Variants in DNAH8 observed in about 807,000 individuals in gnomAD.
DNAH8 encodes the protein axonemal beta dynein heavy chain 8.
A neutral mutation model predicts 562.1 loss-of-function variants in DNAH8; 382 were observed. The ratio of observed to expected loss-of-function variants is 0.68; its 90% confidence interval spans 0.63 to 0.74. The LOEUF (loss-of-function observed/expected upper bound fraction) is 0.74. Ranked by LOEUF, DNAH8 falls within the 30% of genes least tolerant of loss-of-function variation. DNAH8 has a pLI of 0.00. For synonymous variants in DNAH8, 1,881 were observed against 1,919.4 expected (o/e 0.98, Z 0.52); for missense variants, 5,203 against 5,620.4 (o/e 0.93, Z 2.37).
chr6:39,014,314 G>T (rs138418959), intron 91 of DNAH8, among the ~76,000 whole-genome samples: 1 of 152,140 alleles, frequency 6.6e-6, no homozygotes, highest in Non-Finnish European at 1.5e-5. Flanking sequence ...CAGATTTTGT[G>T]TGTCTACTTA....
intron 13 of DNAH8, among the ~76,000 whole-genome samples, chr6:38,777,054 A>T (rs910728839): frequency 6.6e-6 from 1 of 152,238 alleles, no homozygotes; most frequent in African/African-American, 2.4e-5. Flanking sequence ...GGGCAATATA[A>T]ATACATAAGA....
chr6:38,820,715 T>G (rs1427117850), intron 26 of DNAH8, among the ~76,000 whole-genome samples: 2 of 152,154 alleles, frequency 1.3e-5, no homozygotes, highest in South Asian at 4.1e-4. Context: ...CAAGGTTGGT[T>G]TAACATCCTA....
chr6:38,909,625 C>A lies in DNAH8; in HGVS notation c.9621C>A (p.Ala3207=), dbSNP rs1780730051. 2 of 1,614,032 alleles carry A rather than the reference C, an allele frequency of 1.2e-6. No individual in the cohort carries two copies. The highest frequency in any genetic ancestry group is 1.7e-6 in the Non-Finnish European group (2 of 1,180,006). The part of the protein sequence containing the change: ...RWPREALIAV[A]SYFLSDYNIV... ...CAAGGGAGGCTCTGATTGCTGTGGCCTCCTACTTCCTTTCAGACTATAATA... is the reference window on the plus strand; with the variant it reads ...CAAGGGAGGCTCTGATTGCTGTGGCATCCTACTTCCTTTCAGACTATAATA... The change falls in exon 65 of 93, where the codon GCC becomes GCA. Residue 3207 remains alanine (A), a synonymous_variant. Coordinates refer to ENST00000327475, the MANE Select transcript of DNAH8 (RefSeq NM_001206927.2).
At chr6:38,716,528 T>C (rs977203409) in intron 1 of DNAH8, 2 of 152,270 alleles carry the variant, frequency 1.3e-5, no homozygotes, top group Non-Finnish European at 2.9e-5. Context: ...ACCTTCTCCG[T>C]CAAGTTTTCT....
chr6:38,850,874 A>G (rs1388391625), intron 38 of DNAH8, among the ~76,000 whole-genome samples: 1 of 152,068 alleles, frequency 6.6e-6, no homozygotes. Context: ...GACATTTGTC[A>G]CTGGATTCAG....
At chr6:38,859,435 A>G (rs947763608) in intron 42 of DNAH8, among the ~76,000 whole-genome samples, 4 of 152,228 alleles carry the variant, frequency 2.6e-5, no homozygotes, top group African/African-American at 9.7e-5. Context: ...AGCAAGGAAT[A>G]TGGAGGCCTG....
At position 38,715,939 on chromosome 6, in the gene DNAH8, TA is replaced by T. The variant is rs1762266752; in HGVS notation, c.-35+525del. Among the ~76,000 whole-genome samples the T allele has an allele frequency of 2.7e-4, 7 of 25,548 alleles. 1 individual carries two copies. The highest frequency in any genetic ancestry group is 1.2e-3 in the African/African-American group (7 of 5,754). The allele number at this position is 25,548 out of a possible 152,430, so 16.8% of individuals were successfully genotyped here. A position where few individuals can be genotyped will look rare whatever the true frequency, so the allele number is the denominator to read the frequency against. On this transcript the variant is annotated intron_variant, in intron 1 of 92. Coordinates refer to ENST00000327475, the MANE Select transcript of DNAH8 (RefSeq NM_001206927.2). Reference sequence around the variant, plus strand: ...ATAAATAAATAAATATATATATATATATATATATATATATATATATATTTTT... The same window carrying T: ...ATAAATAAATAAATATATATATATATTATATATATATATATATATATTTTT...
intron 13 of DNAH8, among the ~76,000 whole-genome samples, chr6:38,777,525 C>A (rs1768188701): frequency 6.6e-6 from 1 of 152,138 alleles, no homozygotes; most frequent in Admixed American, 6.5e-5. Flanking sequence ...AAATAATTTG[C>A]AAAGAATGGT....
intron 4 of DNAH8, among the ~76,000 whole-genome samples, chr6:38,733,573 G>A (rs567450406): frequency 6.6e-6 from 1 of 152,274 alleles, no homozygotes; most frequent in South Asian, 2.1e-4. Flanking sequence ...AGGAACAGAA[G>A]TACAGAGTTC....
intron 85 of DNAH8, among the ~76,000 whole-genome samples, chr6:38,981,226 G>A (rs1764014805): frequency 6.6e-6 from 1 of 152,068 alleles, no homozygotes. Context: ...TAAATCCCTG[G>A]CCCTTCCTTA....
At position 38,852,581 on chromosome 6, in the gene DNAH8, C is replaced by T. The variant is rs996257958; in HGVS notation, c.5467-113C>T. The T allele has an allele frequency of 4.8e-5, 34 of 714,082 alleles. 1 individual carries two copies. Among genetic ancestry groups the T allele is most frequent in the Middle Eastern group, 5.2e-4 (2 of 3,860 alleles). 44.2% of individuals were successfully genotyped at this position (714,082 alleles called of 1,614,324 possible). A position where few individuals can be genotyped will look rare whatever the true frequency, so the allele number is the denominator to read the frequency against. ...CAGAGTCTCTCTCTATTTTTTGAGA[C>T]AATAAAGTAAATACTTAACCTTTTA... On this transcript the variant is annotated intron_variant, in intron 39 of 92. Coordinates refer to ENST00000327475, the MANE Select transcript of DNAH8 (RefSeq NM_001206927.2).
At position 39,008,457 on chromosome 6, in the gene DNAH8, C is replaced by CTA. The variant is rs1221602885; in HGVS notation, c.13215-354_13215-353dup. Reference sequence around the variant, plus strand: ...ATAATGATAGACTCTTATGACCAGTCTATAGCAGGGGAGAGTGAAAGGAGG... The same window carrying CTA: ...ATAATGATAGACTCTTATGACCAGTCTATATAGCAGGGGAGAGTGAAAGGAGG... On this transcript the variant is annotated intron_variant, in intron 88 of 92. Transcript: ENST00000327475. Among the ~76,000 whole-genome samples the CTA allele has an allele frequency of 3.3e-5, 5 of 152,266 alleles. No homozygotes were observed. In the East Asian group the frequency reaches 9.7e-4, roughly 30 times the overall value.
chr6:38,804,138 G>T (rs1771038856), intron 22 of DNAH8, among the ~76,000 whole-genome samples: 1 of 152,138 alleles, frequency 6.6e-6, no homozygotes, highest in African/African-American at 2.4e-5. Flanking sequence ...TATCTCAATA[G>T]GTTCTAATAG....
Position 38,726,304 on chromosome 6 carries a change from G to C in DNAH8, c.525+2833G>C, listed in dbSNP as rs777820566. On this transcript the variant is annotated intron_variant, in intron 3 of 92. Transcript: ENST00000327475. ...GGTAACTGCTAGAACTAAGATGTGGGGGGGAGATGGGCATCTGCAGAACTG... is the reference window on the plus strand; with the variant it reads ...GGTAACTGCTAGAACTAAGATGTGGCGGGGAGATGGGCATCTGCAGAACTG... 6.6e-5 allele frequency among the ~76,000 whole-genome samples: 10 copies of C among 152,324 alleles called. No individual in the cohort carries two copies. The East Asian group carries it at 9.7e-4, about 15-fold the overall frequency.
intron 3 of DNAH8, among the ~76,000 whole-genome samples, chr6:38,726,271 C>A (rs1763210173): frequency 6.6e-6 from 1 of 152,186 alleles, no homozygotes; most frequent in African/African-American, 2.4e-5. Context: ...TCACTGCCTT[C>A]ATGAAAGGGT....
Position 38,723,337 on chromosome 6 carries a change from G to A in DNAH8, c.391G>A (p.Ala131Thr), listed in dbSNP as rs1286602474. Reference sequence around the variant, plus strand: ...TTTGAACTTGGTTTTCATTCCTTAGGCAAGATTTAGAGAGGCAAGGGAAAG... The same window carrying A: ...TTTGAACTTGGTTTTCATTCCTTAGACAAGATTTAGAGAGGCAAGGGAAAG... ...NLQETLKERQ[A>T]RFREARESRR... The change falls in exon 3 of 93, where the codon GCA (alanine) becomes ACA (threonine). Residue 131 changes from alanine to threonine, a missense_variant and splice_region_variant. This residue lies in a region of DNAH8 where 556 missense variants were observed against 496.9 expected (regional missense o/e 1.12). Transcript: ENST00000327475. The A allele has an allele frequency of 6.3e-7, 1 of 1,594,834 alleles. No homozygotes were observed. Among genetic ancestry groups the A allele is most frequent in the Non-Finnish European group, 8.5e-7 (1 of 1,175,330 alleles).
At chr6:38,880,090 C>CA (rs1441025168) in intron 53 of DNAH8, among the ~76,000 whole-genome samples, 15 of 151,408 alleles carry the variant, frequency 9.9e-5, no homozygotes, top group South Asian at 4.2e-4. Flanking sequence ...TAAAAAAAAA[C>CA]AAAAAAATTA....
chr6:38,889,299 C>T (rs566110483), intron 57 of DNAH8, among the ~76,000 whole-genome samples: 1 of 152,062 alleles, frequency 6.6e-6, no homozygotes, highest in South Asian at 2.1e-4. Context: ...TTCCATTAAA[C>T]TGAATTTCAA....
At chr6:38,832,176 G>T (rs937695900) in intron 30 of DNAH8, 146 bp from the exon 31 acceptor site, 3 of 603,838 alleles carry the variant, frequency 5.0e-6, no homozygotes, top group Non-Finnish European at 5.9e-6. Flanking sequence ...GTTCATTTGG[G>T]TTATTAATAT....
Sources: gnomAD v4.1 joint callset for allele counts (sites outside exome capture counted in the v4.1 genomes callset) on GRCh38, gnomAD v4.1.1 for gene constraint, gnomAD v4.1.1 regional missense constraint, MANE v1.5 for transcripts, NCBI Gene and HGNC (gene_info 2026-07-23, HGNC 2026-07-21) for gene names.